ATG9A: variants seen among roughly 807,000 people sequenced by gnomAD.
ATG9A encodes the protein autophagy related 9A, also known as autophagy-related protein 9A.
A neutral mutation model predicts 87.1 loss-of-function variants in ATG9A; 21 were observed. The ratio of observed to expected loss-of-function variants is 0.24; its 90% confidence interval spans 0.17 to 0.35. The LOEUF is 0.35. ATG9A is among the 10% of genes least tolerant of loss of function. The probability of loss-of-function intolerance (pLI) is 1.00; values close to 1 mark genes in which losing one functional copy is unlikely to be tolerated. For missense variants in ATG9A, 836 were observed against 1,107.3 expected, an observed-to-expected ratio of 0.76 and a Z score of 3.48; for synonymous variants, 422 against 441.3, an observed-to-expected ratio of 0.96 and a Z score of 0.55.
In ATG9A at chr2:219,225,498, T is replaced by G; in HGVS notation, c.287A>C (p.Lys96Thr). 6.2e-7 allele frequency: 1 copy of G among 1,614,146 alleles called. No homozygotes were observed. The highest frequency in any genetic ancestry group is 8.5e-7 in the Non-Finnish European group (1 of 1,180,008). Residue 96 changes from lysine to threonine, a missense_variant, in exon 6 of 16, where the codon AAG (lysine) becomes ACG (threonine). Transcript: ENST00000361242. Reference sequence around the variant, plus strand: ...AGGGTGAAGACTGTGGTTCACCATCTTGTTGGCAAATAGGATGTCATAGTC... The same window carrying G: ...AGGGTGAAGACTGTGGTTCACCATCGTGTTGGCAAATAGGATGTCATAGTC... ...CVDYDILFANKMVNHSLHPTE... is the reference protein window; with the variant it reads ...CVDYDILFANTMVNHSLHPTE...
At position 219,224,594 on chromosome 2, in the gene ATG9A, A is replaced by T; in HGVS notation, c.777T>A (p.Pro259=). ...TCCATTCATTGAGAAACAGAGAGCC[A>T]GGTCCCCAGAAGAGGATCAGCTCAA... The part of the protein sequence containing the change: ...YNFELILFWG[P]GSLFLNEWSL... Residue 259 remains proline (P), a synonymous_variant, in exon 8 of 16, where the codon CCT becomes CCA. Coordinates refer to ENST00000361242, the MANE Select transcript of ATG9A (RefSeq NM_001077198.3). This position sits in a 1 kb window ranked among gnomAD's most constrained non-coding sequence, Gnocchi z 7.7. 6.2e-7 allele frequency: 1 copy of T among 1,614,204 alleles called. No individual in the cohort carries two copies. The highest frequency in any genetic ancestry group is 8.5e-7 in the Non-Finnish European group (1 of 1,180,038).
In ATG9A at chr2:219,223,843, C is replaced by G. The variant is rs374445077; in HGVS notation, c.1419+26G>C. On this transcript the variant is annotated intron_variant, in intron 9 of 15. Transcript: ENST00000361242. The surrounding 1 kb of genome is among the most constrained non-coding windows in gnomAD (Gnocchi z 4.7). ...CACCGAGCTACCAGCCAGTCTCTAG[C>G]AGGCCCTAACTCCAACTCCACTCAC... 2 of 1,614,134 alleles carry G rather than the reference C, an allele frequency of 1.2e-6. No individual in the cohort carries two copies. Among genetic ancestry groups the G allele is most frequent in the Non-Finnish European group, 8.5e-7 (1 of 1,180,032 alleles).
rs899468040 is a variant in ATG9A at position 219,220,019 on chromosome 2, G to A, written c.*428C>T. 2.3e-4 allele frequency: 47 copies of A among 208,294 alleles called. No individual in the cohort carries two copies. The highest frequency in any genetic ancestry group is 1.0e-3 in the African/African-American group (44 of 43,652). The allele number at this position is 208,294 out of a possible 1,614,324, so 12.9% of individuals were successfully genotyped here. Reference sequence around the variant, plus strand: ...CCACAGCCTGACCTGCTCATCTATTGAGGGGGCTAGGGAAGGTTGCAGGGG... The same window carrying A: ...CCACAGCCTGACCTGCTCATCTATTAAGGGGGCTAGGGAAGGTTGCAGGGG... On this transcript the variant is annotated 3_prime_UTR_variant, in exon 16 of 16. Coordinates refer to ENST00000361242, the MANE Select transcript of ATG9A (RefSeq NM_001077198.3).
At position 219,222,604 on chromosome 2, in the gene ATG9A, A is replaced by G. The variant is rs1361723063; in HGVS notation, c.1848+41T>C. On this transcript the variant is annotated intron_variant, in intron 11 of 15. Coordinates refer to ENST00000361242, the MANE Select transcript of ATG9A (RefSeq NM_001077198.3). This position sits in a 1 kb window ranked among gnomAD's most constrained non-coding sequence, Gnocchi z 4.3. ...CGGTCCCTCAACTCCCAGCTCCTGAAGTCCACTCTGCCCATCATCTCCCAG... is the reference window on the plus strand; with the variant it reads ...CGGTCCCTCAACTCCCAGCTCCTGAGGTCCACTCTGCCCATCATCTCCCAG... 1 of 1,609,340 alleles carries G rather than the reference A, an allele frequency of 6.2e-7. No homozygotes were observed. The highest frequency in any genetic ancestry group is 8.5e-7 in the Non-Finnish European group (1 of 1,176,172).
At chr2:219,220,476 T>C in intron 15 of ATG9A, 24 bp from the exon 16 acceptor site, 1 of 1,613,462 alleles carries the variant, frequency 6.2e-7, no homozygotes, top group Non-Finnish European at 8.5e-7. Flanking sequence ...GGGTTGGTAA[T>C]GGAGATAGTC....
intron 14 of ATG9A, 28 bp from the exon 15 acceptor site, chr2:219,220,920 C>T: frequency 6.2e-7 from 1 of 1,611,722 alleles, no homozygotes; most frequent in Non-Finnish European, 8.5e-7. Context: ...AGTAAGCATA[C>T]TCATAGAAGG....
chr2:219,224,886 C>T lies in ATG9A; in HGVS notation c.517-32G>A, dbSNP rs527956725. On this transcript the variant is annotated intron_variant, in intron 7 of 15. Transcript: ENST00000361242. This position sits in a 1 kb window ranked among gnomAD's most constrained non-coding sequence, Gnocchi z 7.7. ...GGTGGGGTGGGGAAGAGACAAGGTA[C>T]GGAAGGTGGGGTTGTTGCCTCGACC... The T allele has an allele frequency of 1.0e-5, 16 of 1,606,474 alleles. No individual in the cohort carries two copies. The highest frequency in any genetic ancestry group is 2.2e-5 in the South Asian group (2 of 90,820).
rs1221093044 is a variant in ATG9A at position 219,225,068 on chromosome 2, T to TA, written c.516+2dup. On this transcript the variant is annotated splice_region_variant and intron_variant, in intron 7 of 15. Transcript: ENST00000361242. ...GGCTAACTGCCCAACTTCCCAGTCT[T>TA]ACCATAGGGATGCGCAGAGCGTGCA... 2 of 1,614,076 alleles carry TA rather than the reference T, an allele frequency of 1.2e-6. No individual in the cohort carries two copies. The highest frequency in any genetic ancestry group is 2.7e-5 in the African/African-American group (2 of 74,948).
At chr2:219,227,701 C>A in intron 4 of ATG9A, 69 bp downstream of exon 4, 1 of 1,566,688 alleles carries the variant, frequency 6.4e-7, no homozygotes, top group South Asian at 1.1e-5. Context: ...ACCCCCACCT[C>A]CCACCAGAGC....
In ATG9A at chr2:219,225,552, G is replaced by A. The variant is rs1174310233; in HGVS notation, c.233C>T (p.Ala78Val). ...GCAGCTGACCAGGAAGGTAGTGAAG[G>A]CAACCACAAAGAGGAACTGCCTGGG... is the stretch of plus-strand genomic sequence containing the variant. ...FELMQFLFVVAFTTFLVSCVD... is the reference protein window; with the variant it reads ...FELMQFLFVVVFTTFLVSCVD... Residue 78 changes from alanine to valine, a missense_variant, in exon 6 of 16, where the codon GCC becomes GTC. Around this residue, in one of 2 missense-constraint regions of ATG9A, gnomAD observed 512 missense variants for 759.6 expected, o/e 0.67. Coordinates refer to ENST00000361242, the MANE Select transcript of ATG9A (RefSeq NM_001077198.3). The A allele has an allele frequency of 6.2e-7, 1 of 1,614,036 alleles. No homozygotes were observed.
Position 219,222,781 on chromosome 2 carries a change from C to G in ATG9A, c.1712G>C (p.Arg571Pro). ...GAAGCCTAGGAAGGCTGTGCTCTCACGTGGTGGCTGCCAGCCAGGGTTGGT... is the reference window on the plus strand; with the variant it reads ...GAAGCCTAGGAAGGCTGTGCTCTCAGGTGGTGGCTGCCAGCCAGGGTTGGT... ...AITNPGWQPPRESTAFLGFLK... is the reference protein window; with the variant it reads ...AITNPGWQPPPESTAFLGFLK... Residue 571 changes from arginine (R) to proline (P), a missense_variant, in exon 11 of 16, where the codon CGT becomes CCT. This residue lies in a region of ATG9A where 512 missense variants were observed against 759.6 expected (regional missense o/e 0.67). Transcript: ENST00000361242. The surrounding 1 kb of genome is among the most constrained non-coding windows in gnomAD (Gnocchi z 4.3). The G allele has an allele frequency of 6.2e-7, 1 of 1,614,226 alleles. No individual in the cohort carries two copies. Among genetic ancestry groups the G allele is most frequent in the Non-Finnish European group, 8.5e-7 (1 of 1,180,044 alleles).
In ATG9A at chr2:219,222,226, T is replaced by C. The variant is rs1950775126; in HGVS notation, c.2027+46A>G. On this transcript the variant is annotated intron_variant, in intron 12 of 15. Transcript: ENST00000361242. This position sits in a 1 kb window ranked among gnomAD's most constrained non-coding sequence, Gnocchi z 4.3. ...GAACTTCTCTGAGACCCACACAAGC[T>C]GCTGAGGGCTGCCGTGCCCTCCCAT... The C allele has an allele frequency of 1.2e-6, 2 of 1,613,312 alleles. No individual in the cohort carries two copies. The highest frequency in any genetic ancestry group is 1.3e-5 in the African/African-American group (1 of 75,058).
chr2:219,224,680 G>A lies in ATG9A; in HGVS notation c.691C>T (p.Arg231Cys), dbSNP rs200810317. Residue 231 changes from arginine (R) to cysteine (C), a missense_variant, in exon 8 of 16, where the codon CGC becomes TGC. This residue lies in a region of ATG9A where 512 missense variants were observed against 759.6 expected (regional missense o/e 0.67). Transcript: ENST00000361242. This position sits in a 1 kb window ranked among gnomAD's most constrained non-coding sequence, Gnocchi z 7.7. ...TCCCCGAGGCCAGGCAGGCGGAAGC[G>A]CAGAGGCAGGAGGGATTTGTTAACC... ...ALVNKSLLPL[R>C]FRLPGLGEAV... 8 of 1,614,202 alleles carry A rather than the reference G, an allele frequency of 5.0e-6. No homozygotes were observed. Among genetic ancestry groups the A allele is most frequent in the Admixed American group, 1.7e-5 (1 of 60,028 alleles).
chr2:219,220,677 C>G, intron 15 of ATG9A, 70 bp downstream of exon 15: 6 of 1,578,254 alleles, frequency 3.8e-6, no homozygotes, highest in Non-Finnish European at 5.2e-6. Flanking sequence ...CTTCCTTCCC[C>G]TGAAAAGCTG....
rs1285306709 is a variant in ATG9A at position 219,222,479 on chromosome 2, T to C, written c.1849-29A>G. On this transcript the variant is annotated intron_variant, in intron 11 of 15. Coordinates refer to ENST00000361242, the MANE Select transcript of ATG9A (RefSeq NM_001077198.3). The surrounding 1 kb of genome is among the most constrained non-coding windows in gnomAD (Gnocchi z 4.3). ...TGAACGAAACGGGTAGGTAGAATTC[T>C]TGAGGCAAGAGAAAGGTCTCTGGGG... 3 of 1,543,494 alleles carry C rather than the reference T, an allele frequency of 1.9e-6. No individual in the cohort carries two copies. Among genetic ancestry groups the C allele is most frequent in the Non-Finnish European group, 2.6e-6 (3 of 1,146,410 alleles).
chr2:219,227,452 G>A (rs568586664), intron 4 of ATG9A, among the ~76,000 whole-genome samples: 9 of 152,260 alleles, frequency 5.9e-5, no homozygotes, highest in Admixed American at 2.6e-4. Context: ...AGGAGGTGGA[G>A]GTTGCAGTGT....
rs964876325 is a variant in ATG9A at position 219,219,456 on chromosome 2, A to T, written c.*991T>A. 6.6e-6 allele frequency: 1 copy of T among 152,670 alleles called. No homozygotes were observed. The highest frequency in any genetic ancestry group is 1.5e-5 in the Non-Finnish European group (1 of 68,096). 9.5% of individuals were successfully genotyped at this position (152,670 alleles called of 1,614,324 possible). On this transcript the variant is annotated 3_prime_UTR_variant, in exon 16 of 16. Coordinates refer to ENST00000361242, the MANE Select transcript of ATG9A (RefSeq NM_001077198.3). ...ACCCTGCTCCGCTCCGAGTTCGGGCAGCGCAATTCACCACTCTCCCAAAGC... is the reference window on the plus strand; with the variant it reads ...ACCCTGCTCCGCTCCGAGTTCGGGCTGCGCAATTCACCACTCTCCCAAAGC...
At chr2:219,226,435 G>A (rs1000755904) in intron 5 of ATG9A, among the ~76,000 whole-genome samples, 9 of 152,130 alleles carry the variant, frequency 5.9e-5, no homozygotes, top group African/African-American at 1.4e-4. Flanking sequence ...CTATAATCCC[G>A]GCACTTCGGG....
At chr2:219,227,364 A>G (rs1160614449) in intron 4 of ATG9A, among the ~76,000 whole-genome samples, 1 of 152,216 alleles carries the variant, frequency 6.6e-6, no homozygotes, top group Non-Finnish European at 1.5e-5. Context: ...GAAAAATACA[A>G]AAAATAGCTG....
Sources: allele counts gnomAD v4.1 joint callset (sites outside exome capture counted in the v4.1 genomes callset), GRCh38; gene constraint gnomAD v4.1.1; regional missense constraint gnomAD v4.1.1; non-coding constraint Gnocchi (gnomAD v3.1); transcripts MANE v1.5; gene names NCBI Gene and HGNC (gene_info 2026-07-23, HGNC 2026-07-21).